The following CFTR variants were observed in gnomAD, a reference collection of about 807,000 sequenced individuals.
CFTR encodes cystic fibrosis transmembrane conductance regulator.
A neutral mutation model predicts 171.6 loss-of-function variants in CFTR; 181 were observed. The observed-to-expected ratio is 1.05, with a 90% CI of 0.93 to 1.19. CFTR has a LOEUF of 1.19. Ranked by LOEUF, CFTR falls within the 50% of genes most tolerant of loss-of-function variation. The pLI, the probability that CFTR is intolerant of heterozygous loss-of-function variation, is 0.00. For synonymous variants in CFTR, 583 were observed against 608.0 expected (o/e 0.96, Z 0.60); for missense variants, 1,968 against 1,734.7 (o/e 1.13, Z -2.39).
At chr7:117,563,933 T>A (rs1267363790) in intron 11 of CFTR, among the ~76,000 whole-genome samples, 3 of 152,182 alleles carry the variant, frequency 2.0e-5, no homozygotes, top group Admixed American at 2.0e-4. Context: ...ATTTCTTGTA[T>A]TTTAAAAAAA....
Position 117,591,946 on chromosome 7 carries a change from A to G in CFTR, c.1779A>G (p.Lys593=), listed in dbSNP as rs1217712466. 6 of 1,582,520 alleles carry G rather than the reference A, an allele frequency of 3.8e-6. No individual in the cohort carries two copies. In the South Asian group the frequency reaches 7.0e-5, roughly 18 times the overall value. Residue 593 remains lysine, a synonymous_variant, in exon 14 of 27, where the codon AAA becomes AAG. Transcript: ENST00000003084. ...TTATATCTTAAAGCTGTGTCTGTAA[A>G]CTGATGGCTAACAAAACTAGGATTT... ...EKEIFESCVC[K]LMANKTRILV...
chr7:117,544,194 CACTT>C (rs2115888637), intron 9 of CFTR, among the ~76,000 whole-genome samples: 1 of 152,328 alleles, frequency 6.6e-6, no homozygotes, highest in South Asian at 2.1e-4. Context: ...TCCTACAGAA[CACTT>C]ACTTTATCAG....
Position 117,534,126 on chromosome 7 carries a change from AG to A in CFTR, c.490-149del, listed in dbSNP as rs1798906744. 4 of 578,514 alleles carry A rather than the reference AG, an allele frequency of 6.9e-6. No individual in the cohort carries two copies. The East Asian group carries it at 1.2e-4, about 17-fold the overall frequency. The allele number at this position is 578,514 out of a possible 1,614,324, so 35.8% of individuals were successfully genotyped here. On this transcript the variant is annotated intron_variant, in intron 4 of 26. Coordinates refer to ENST00000003084, the MANE Select transcript of CFTR (RefSeq NM_000492.4). ...GAAAGAAACATTTATGAACCTGAGA[AG>A]ATAGTAAGCTAGATGAATAGAATAT... is the stretch of plus-strand genomic sequence containing the variant.
At chr7:117,491,121 A>G (rs1166042562) in intron 1 of CFTR, among the ~76,000 whole-genome samples, 1 of 152,106 alleles carries the variant, frequency 6.6e-6, no homozygotes, top group Non-Finnish European at 1.5e-5. Context: ...TCTAGGCTAC[A>G]AACCTGTACG....
At chr7:117,572,398 A>G (rs932902723) in intron 11 of CFTR, among the ~76,000 whole-genome samples, 8 of 152,194 alleles carry the variant, frequency 5.3e-5, no homozygotes, top group African/African-American at 1.7e-4. Context: ...GTTATTAGTA[A>G]TCATGTTTGA....
intron 18 of CFTR, among the ~76,000 whole-genome samples, chr7:117,609,848 C>T (rs1187343672): frequency 6.6e-6 from 1 of 151,844 alleles, no homozygotes; most frequent in Non-Finnish European, 1.5e-5. Context: ...TGAAAATATC[C>T]AAAGATCAAA....
intron 18 of CFTR, among the ~76,000 whole-genome samples, chr7:117,609,065 C>T (rs772542561): frequency 1.7e-4 from 26 of 152,096 alleles, no homozygotes; most frequent in African/African-American, 6.3e-4. Flanking sequence ...ATTAGTATCT[C>T]CCCATTTCCC....
chr7:117,556,263 C>A (rs897478161), intron 10 of CFTR, among the ~76,000 whole-genome samples: 1 of 151,868 alleles, frequency 6.6e-6, no homozygotes, highest in Non-Finnish European at 1.5e-5. Context: ...CGGGGTTTCA[C>A]CATGTTGGCC....
At chr7:117,501,871 G>A (rs1445000806) in intron 1 of CFTR, among the ~76,000 whole-genome samples, 6 of 146,840 alleles carry the variant, frequency 4.1e-5, no homozygotes, top group Admixed American at 6.8e-5. Flanking sequence ...TGCTATTAAC[G>A]TTATTTGCCT....
chr7:117,518,778 T>C (rs561751389), intron 3 of CFTR, among the ~76,000 whole-genome samples: 8 of 151,928 alleles, frequency 5.3e-5, no homozygotes, highest in Non-Finnish European at 1.0e-4. Context: ...GCACAAATAC[T>C]CATTATTTAC....
Position 117,600,667 on chromosome 7 carries a change from T to C in CFTR, c.2620-2159T>C, listed in dbSNP as rs149924409. Among the ~76,000 whole-genome samples the C allele has an allele frequency of 1.2e-4, 19 of 152,192 alleles. No homozygotes were observed. The East Asian group carries it at 3.7e-3, about 29-fold the overall frequency. On this transcript the variant is annotated intron_variant, in intron 15 of 26. Coordinates refer to ENST00000003084, the MANE Select transcript of CFTR (RefSeq NM_000492.4). ...TTTATGTTTTAGGGTGTCATTTGAC[T>C]TGTGAAGCATTGAAATCTGGGTATT...
intron 4 of CFTR, among the ~76,000 whole-genome samples, chr7:117,531,430 A>G (rs975063616): frequency 1.3e-5 from 2 of 152,130 alleles, no homozygotes; most frequent in Admixed American, 1.3e-4. Context: ...CATAAAAGTA[A>G]TTGACAAAAT....
At chr7:117,579,362 T>C (rs1462096281) in intron 11 of CFTR, among the ~76,000 whole-genome samples, 6 of 151,938 alleles carry the variant, frequency 3.9e-5, no homozygotes, top group Admixed American at 6.6e-5. Context: ...AATTGGAACT[T>C]AAATTTCACC....
At position 117,652,891 on chromosome 7, in the gene CFTR, A is replaced by G; in HGVS notation, c.3923A>G (p.Glu1308Gly). 1 of 1,606,398 alleles carries G rather than the reference A, an allele frequency of 6.2e-7. No individual in the cohort carries two copies. Residue 1308 changes from glutamate to glycine, a missense_variant, in exon 24 of 27, where the codon GAA becomes GGA. Coordinates refer to ENST00000003084, the MANE Select transcript of CFTR (RefSeq NM_000492.4). ...GTFRKNLDPY[E>G]QWSDQEIWKV... Reference sequence around the variant, plus strand: ...TTTAGAAAAAACTTGGATCCCTATGAACAGTGGAGTGATCAAGAAATATGG... The same window carrying G: ...TTTAGAAAAAACTTGGATCCCTATGGACAGTGGAGTGATCAAGAAATATGG...
At chr7:117,573,698 T>A (rs1791728727) in intron 11 of CFTR, among the ~76,000 whole-genome samples, 1 of 152,120 alleles carries the variant, frequency 6.6e-6, no homozygotes. Context: ...TTATTAAAAA[T>A]TGAAATGGCA....
intron 10 of CFTR, among the ~76,000 whole-genome samples, chr7:117,553,410 C>T (rs1799302858): frequency 6.6e-6 from 1 of 152,244 alleles, no homozygotes; most frequent in South Asian, 2.1e-4. Flanking sequence ...AGCACATCTG[C>T]AATTGTATCA....
intron 1 of CFTR, among the ~76,000 whole-genome samples, chr7:117,495,984 A>G (rs1374720268): frequency 6.6e-6 from 1 of 152,190 alleles, no homozygotes; most frequent in East Asian, 1.9e-4. Flanking sequence ...GAACACTTTC[A>G]TCACTGTAAA....
Position 117,492,352 on chromosome 7 carries a change from C to CT in CFTR, c.54-11891dup, listed in dbSNP as rs535635358. Among the ~76,000 whole-genome samples the CT allele has an allele frequency of 4.8e-4, 71 of 146,844 alleles. No individual in the cohort carries two copies. The South Asian group carries it at 7.2e-3, about 15-fold the overall frequency. On this transcript the variant is annotated intron_variant, in intron 1 of 26. Coordinates refer to ENST00000003084, the MANE Select transcript of CFTR (RefSeq NM_000492.4). Reference sequence around the variant, plus strand: ...CTATAGAATTGAAAAATGTTTTGACCTTTTTTTTTTGGCTTTTAATATATT... The same window carrying CT: ...CTATAGAATTGAAAAATGTTTTGACCTTTTTTTTTTTGGCTTTTAATATATT...
chr7:117,609,049 C>CT (rs1792342716), intron 18 of CFTR, among the ~76,000 whole-genome samples: 1 of 152,056 alleles, frequency 6.6e-6, no homozygotes, highest in South Asian at 2.1e-4. Flanking sequence ...AATTTTATAC[C>CT]TGTTGATTAG....
Sources: allele counts gnomAD v4.1 joint callset (sites outside exome capture counted in the v4.1 genomes callset), GRCh38; gene constraint gnomAD v4.1.1; transcripts MANE v1.5; gene names NCBI Gene and HGNC (gene_info 2026-07-23, HGNC 2026-07-21).